ACAD11: variants seen among roughly 807,000 people sequenced by gnomAD.
ACAD11 encodes the protein acyl-Coenzyme A dehydrogenase family, member 11.
Under a neutral mutation model 102.2 loss-of-function variants are expected in ACAD11, and 83 were observed. The observed-to-expected ratio is 0.81, with a 90% CI of 0.68 to 0.97. The LOEUF (loss-of-function observed/expected upper bound fraction) is 0.97, where lower values mean the gene tolerates loss of function less well. Among genes scored for constraint, ACAD11 ranks in the 50% least tolerant of loss-of-function variants. ACAD11 has a pLI of 0.00. For synonymous variants in ACAD11, 324 were observed against 319.8 expected (o/e 1.01, Z -0.14); for missense variants, 901 against 951.7 (o/e 0.95, Z 0.70).
chr3:132,625,977 AC>A (rs1939791796), intron 9 of ACAD11, among the ~76,000 whole-genome samples: 1 of 152,208 alleles, frequency 6.6e-6, no homozygotes, highest in African/African-American at 2.4e-5. Flanking sequence ...CCAGTGTTCT[AC>A]CCACATATAA....
At chr3:132,623,007 T>C (rs1457949815) in intron 9 of ACAD11, among the ~76,000 whole-genome samples, 1 of 152,250 alleles carries the variant, frequency 6.6e-6, no homozygotes, top group Non-Finnish European at 1.5e-5. Context: ...GTTCCTGTTT[T>C]ACATGCTATT....
chr3:132,634,383 G>A (rs1241064584), intron 5 of ACAD11, among the ~76,000 whole-genome samples: 13 of 152,054 alleles, frequency 8.5e-5, no homozygotes, highest in South Asian at 6.2e-4. Flanking sequence ...TTAGAATGGC[G>A]ATCATTAAAA....
chr3:132,605,951 C>T (rs1938819184), intron 11 of ACAD11, among the ~76,000 whole-genome samples: 2 of 152,198 alleles, frequency 1.3e-5, no homozygotes, highest in Admixed American at 6.5e-5. Flanking sequence ...CCCTCTCTGA[C>T]CCTTGGAGGG....
chr3:132,659,049 A>T (rs892178315), intron 1 of ACAD11, among the ~76,000 whole-genome samples: 3 of 152,202 alleles, frequency 2.0e-5, no homozygotes, highest in African/African-American at 7.2e-5. Flanking sequence ...ACATCAGACT[A>T]AAGCCAGATT....
chr3:132,642,615 C>G (rs1940566854), intron 3 of ACAD11, 62 bp downstream of exon 3: 4 of 1,467,598 alleles, frequency 2.7e-6, no homozygotes, highest in Non-Finnish European at 3.7e-6. Context: ...CATAATAAAA[C>G]ATCTTAATTA....
intron 6 of ACAD11, among the ~76,000 whole-genome samples, chr3:132,631,095 T>G (rs1940021347): frequency 6.6e-6 from 1 of 152,104 alleles, no homozygotes; most frequent in South Asian, 2.1e-4. Context: ...ATGGCCCATG[T>G]ATACATGTGT....
Position 132,558,717 on chromosome 3 carries a change from G to A in ACAD11, c.*254C>T, listed in dbSNP as rs1441774759. The A allele has an allele frequency of 4.9e-6, 2 of 410,216 alleles. No individual in the cohort carries two copies. The highest frequency in any genetic ancestry group is 8.6e-6 in the Non-Finnish European group (2 of 231,820). 25.4% of individuals were successfully genotyped at this position (410,216 alleles called of 1,614,324 possible). On this transcript the variant is annotated 3_prime_UTR_variant, in exon 20 of 20. Coordinates refer to ENST00000264990, the MANE Select transcript of ACAD11 (RefSeq NM_032169.5). Reference sequence around the variant, plus strand: ...GGGTCTCGCTATGTTGCCCAGGCTGGTCCTGAACTCCTGGCCTCAAGGAGG... The same window carrying A: ...GGGTCTCGCTATGTTGCCCAGGCTGATCCTGAACTCCTGGCCTCAAGGAGG...
rs745403810 is a variant in ACAD11 at position 132,631,433 on chromosome 3, T to C, written c.749A>G (p.His250Arg). The C allele has an allele frequency of 6.4e-7, 1 of 1,562,652 alleles. No individual in the cohort carries two copies. The highest frequency in any genetic ancestry group is 8.7e-7 in the Non-Finnish European group (1 of 1,151,690). The change falls in exon 6 of 20, where the codon CAT becomes CGT. Residue 250 changes from histidine to arginine, a missense_variant. His to Arg is a conservative substitution (Grantham distance 29). Transcript: ENST00000264990. ...VLDWELSTIG[H>R]PLSDLAHFSL... ...AAAATGAGCTAAGTCTGACAAAGGATGACCAATGGTTGACAGCTCCCAATC... is the reference window on the plus strand; with the variant it reads ...AAAATGAGCTAAGTCTGACAAAGGACGACCAATGGTTGACAGCTCCCAATC...
At chr3:132,566,593 C>G (rs1224855451) in intron 17 of ACAD11, among the ~76,000 whole-genome samples, 1 of 152,016 alleles carries the variant, frequency 6.6e-6, no homozygotes, top group Non-Finnish European at 1.5e-5. Flanking sequence ...AAAATGACAC[C>G]TTACCTATAG....
At chr3:132,616,875 G>A (rs1456553287) in intron 11 of ACAD11, among the ~76,000 whole-genome samples, 1 of 152,096 alleles carries the variant, frequency 6.6e-6, no homozygotes, top group Non-Finnish European at 1.5e-5. Context: ...ATCAGTGTTT[G>A]GAAAAGAGAT....
intron 13 of ACAD11, among the ~76,000 whole-genome samples, chr3:132,587,193 C>A (rs1162233347): frequency 1.3e-5 from 2 of 152,148 alleles, no homozygotes; most frequent in Non-Finnish European, 2.9e-5. Flanking sequence ...TTATATCAAT[C>A]AAAAATAATT....
intron 13 of ACAD11, among the ~76,000 whole-genome samples, chr3:132,583,017 T>C (rs562826130): frequency 6.6e-6 from 1 of 152,312 alleles, no homozygotes; most frequent in South Asian, 2.1e-4. Flanking sequence ...TTCTGTTTTT[T>C]TGTTGTGTCT....
rs1481184969 is a variant in ACAD11, at chr3:132,558,986, C to G, written c.2328G>C (p.Leu776=). The change falls in exon 20 of 20, where the codon CTG becomes CTC. Residue 776 remains leucine (L), a synonymous_variant. Coordinates refer to ENST00000264990, the MANE Select transcript of ACAD11 (RefSeq NM_032169.5). The part of the protein sequence containing the change: ...TMELRDQAKR[L]TAKI ...GCCACCCTCCTTATATCTTGGCTGT[C>G]AGTCTTTTGGCTTGGTCCCGCAGCT... The G allele has an allele frequency of 6.2e-7, 1 of 1,612,942 alleles. No individual in the cohort carries two copies. Among genetic ancestry groups the G allele is most frequent in the East Asian group, 2.2e-5 (1 of 44,836 alleles).
intron 5 of ACAD11, among the ~76,000 whole-genome samples, chr3:132,637,694 T>C (rs1053376435): frequency 6.6e-6 from 1 of 152,202 alleles, no homozygotes; most frequent in Non-Finnish European, 1.5e-5. Flanking sequence ...TTTTCAACAT[T>C]GCAGTGAGCC....
chr3:132,610,849 G>C (rs986920927), intron 11 of ACAD11, among the ~76,000 whole-genome samples: 3 of 152,138 alleles, frequency 2.0e-5, no homozygotes, highest in Non-Finnish European at 4.4e-5. Context: ...TGGAAAAAGA[G>C]GGAATCCTCC....
intron 13 of ACAD11, among the ~76,000 whole-genome samples, chr3:132,599,327 G>A (rs1938464945): frequency 6.6e-6 from 1 of 151,974 alleles, no homozygotes; most frequent in Admixed American, 6.6e-5. Flanking sequence ...CCAACATAGT[G>A]AAACCCCATC....
chr3:132,632,673 T>C (rs2107868608), intron 5 of ACAD11, among the ~76,000 whole-genome samples: 1 of 152,348 alleles, frequency 6.6e-6, no homozygotes, highest in East Asian at 1.9e-4. Flanking sequence ...TTGGGCAGTA[T>C]GGCCATTTTC....
At position 132,642,680 on chromosome 3, in the gene ACAD11, C is replaced by T. The variant is rs1473860021; in HGVS notation, c.372G>A (p.Val124=). 1.9e-6 allele frequency: 3 copies of T among 1,605,208 alleles called. No individual in the cohort carries two copies. Among genetic ancestry groups the T allele is most frequent in the Admixed American group, 1.7e-5 (1 of 57,628 alleles). ...ATAAGATTAAGTGTTAATTTACCTG[C>T]ACATGTTCCATTACGTAAAATTCTG... The part of the protein sequence containing the change: ...IGTEFYVMEH[V]QGRIFRDLTI... The change falls in exon 3 of 20, where the codon GTG becomes GTA. Residue 124 remains valine, a synonymous_variant. Transcript: ENST00000264990.
intron 11 of ACAD11, among the ~76,000 whole-genome samples, chr3:132,612,454 G>T (rs1441870550): frequency 6.6e-6 from 1 of 151,908 alleles, no homozygotes; most frequent in Non-Finnish European, 1.5e-5. Context: ...CAGAATGGGA[G>T]AAAATTATTG....
Sources: gnomAD v4.1 joint callset for allele counts (sites outside exome capture counted in the v4.1 genomes callset) on GRCh38, gnomAD v4.1.1 for gene constraint, MANE v1.5 for transcripts, NCBI Gene and HGNC (gene_info 2026-07-23, HGNC 2026-07-21) for gene names.